The following WLS variants were observed in gnomAD, a reference collection of about 807,000 sequenced individuals.
The protein encoded by WLS is Wnt ligand secretion mediator.
Under a neutral mutation model 62.8 loss-of-function variants are expected in WLS, and 23 were observed. The observed-to-expected ratio is 0.37, with a 90% confidence interval of 0.26 to 0.52. The LOEUF (loss-of-function observed/expected upper bound fraction) is 0.52, where lower values mean the gene tolerates loss of function less well. WLS is among the 20% of genes least tolerant of loss of function. WLS has a pLI of 0.92. For synonymous variants in WLS, 246 were observed against 244.1 expected, an observed-to-expected ratio of 1.01 and a Z score of -0.07; for missense variants, 615 against 697.3, an observed-to-expected ratio of 0.88 and a Z score of 1.33.
chr1:68,192,969 C>T (rs1218071493), intron 2 of WLS, among the ~76,000 whole-genome samples: 3 of 145,386 alleles, frequency 2.1e-5, no homozygotes, highest in East Asian at 2.0e-4. Context: ...TTTTGCTGGG[C>T]GTGGTGGTGG....
chr1:68,133,954 G>C (rs1181723915), intron 11 of WLS, among the ~76,000 whole-genome samples: 1 of 152,186 alleles, frequency 6.6e-6, no homozygotes, highest in Non-Finnish European at 1.5e-5. Flanking sequence ...TTCACTCTCT[G>C]TAGCAAGATA....
rs201892042 is a variant in WLS, at chr1:68,210,344, ATCT to A, written c.107-16120_107-16118del. On this transcript the variant is annotated intron_variant, in intron 1 of 11. Transcript: ENST00000262348. ...AAGTCAAAGGAGAGAAATGATAGTC[ATCT>A]TTAGTTATTTGAAAGGCTACTGTGT... Among the ~76,000 whole-genome samples the A allele has an allele frequency of 1.6e-3, 251 of 152,346 alleles. 6 individuals carry two copies. The East Asian group carries it at 0.046, about 28-fold the overall frequency.
At chr1:68,225,687 C>T (rs746319528) in intron 1 of WLS, among the ~76,000 whole-genome samples, 15 of 152,276 alleles carry the variant, frequency 9.9e-5, no homozygotes, top group Non-Finnish European at 1.9e-4. Context: ...TGCATACAAA[C>T]AAAACTTCTC....
At chr1:68,098,559 G>A (rs116345986) in exon 12 of WLS, 196 of 1,581,098 alleles carry the variant, frequency 1.2e-4, no homozygotes, top group Non-Finnish European at 1.5e-4. Flanking sequence ...ATTTGTGTGC[G>A]TATACAAGTA....
intron 11 of WLS, among the ~76,000 whole-genome samples, chr1:68,114,338 A>T (rs531302912): frequency 2.0e-5 from 3 of 152,306 alleles, no homozygotes; most frequent in African/African-American, 7.2e-5. Context: ...GAAATATGTC[A>T]TTTGGAGAAA....
chr1:68,193,824 G>A (rs564394309), intron 2 of WLS, 131 bp downstream of exon 2: 6 of 1,197,002 alleles, frequency 5.0e-6, no homozygotes, highest in African/African-American at 1.6e-5. Flanking sequence ...CACAGAAAGT[G>A]CCTGGGAAGT....
chr1:68,218,692 C>T (rs1284485177), intron 1 of WLS, among the ~76,000 whole-genome samples: 2 of 152,170 alleles, frequency 1.3e-5, no homozygotes, highest in African/African-American at 2.4e-5. Context: ...TCACAGGCCT[C>T]CGTTCCTCTT....
At chr1:68,198,403 A>G (rs993013598) in intron 1 of WLS, among the ~76,000 whole-genome samples, 1 of 152,198 alleles carries the variant, frequency 6.6e-6, no homozygotes, top group Admixed American at 6.5e-5. Context: ...TTTGGCCTCC[A>G]CTTTTCCACT....
chr1:68,154,989 G>A (rs1198723178), intron 4 of WLS, 110 bp downstream of exon 4: 2 of 1,159,318 alleles, frequency 1.7e-6, no homozygotes, highest in Non-Finnish European at 2.4e-6. Context: ...GCCATCATGA[G>A]TATGTTATTA....
chr1:68,208,801 T>G (rs933359301), intron 1 of WLS, among the ~76,000 whole-genome samples: 2 of 152,134 alleles, frequency 1.3e-5, no homozygotes, highest in African/African-American at 4.8e-5. Flanking sequence ...TGGGGAACAT[T>G]GAAAGGATTG....
At chr1:68,220,767 A>G (rs529824355) in intron 1 of WLS, among the ~76,000 whole-genome samples, 1 of 152,368 alleles carries the variant, frequency 6.6e-6, no homozygotes, top group South Asian at 2.1e-4. Context: ...TTTCAAAATT[A>G]CTAAAATTTC....
At chr1:68,129,400 A>C (rs1185069566) in intron 11 of WLS, among the ~76,000 whole-genome samples, 1 of 152,232 alleles carries the variant, frequency 6.6e-6, no homozygotes, top group Admixed American at 6.5e-5. Context: ...GTATCTGATA[A>C]ATTTATAGCA....
Position 68,232,311 on chromosome 1 carries a change from C to T in WLS, c.-12G>A. The T allele has an allele frequency of 1.2e-6, 2 of 1,613,244 alleles. No individual in the cohort carries two copies. The highest frequency in any genetic ancestry group is 1.7e-6 in the Non-Finnish European group (2 of 1,179,634). The stretch of plus-strand genomic sequence containing the variant: ...ATTGCCCCAGCCATTTTTGCGCCCC[C>T]CCTTTTTCTTTTCTCCTTGAAATAA... On this transcript the variant is annotated 5_prime_UTR_variant, in exon 1 of 12. Transcript: ENST00000262348.
chr1:68,232,050 G>T, intron 1 of WLS, 144 bp downstream of exon 1: 1 of 1,119,010 alleles, frequency 8.9e-7, no homozygotes, highest in Non-Finnish European at 1.3e-6. Context: ...GCCCCATGGA[G>T]CTCTGCTTTC....
intron 3 of WLS, among the ~76,000 whole-genome samples, chr1:68,156,238 G>A (rs572843939): frequency 1.3e-5 from 2 of 152,272 alleles, no homozygotes; most frequent in East Asian, 3.9e-4. Flanking sequence ...GGGTTTCTAT[G>A]TCAGCTTCAA....
chr1:68,142,299 C>T (rs530604467), intron 10 of WLS, among the ~76,000 whole-genome samples: 22 of 152,324 alleles, frequency 1.4e-4, no homozygotes, highest in Admixed American at 1.0e-3. Context: ...GGATCAAAAG[C>T]GTCCTTCTTT....
chr1:68,155,329 C>T (rs1557481838), intron 3 of WLS, 69 bp from the exon 4 acceptor site: 3 of 1,526,754 alleles, frequency 2.0e-6, no homozygotes, highest in South Asian at 1.3e-5. Context: ...ATTCTGTTAC[C>T]CTGGATCCAT....
intron 11 of WLS, among the ~76,000 whole-genome samples, chr1:68,105,343 CTTAA>C (rs1557442351): frequency 6.6e-6 from 1 of 152,142 alleles, no homozygotes; most frequent in African/African-American, 2.4e-5. Flanking sequence ...TTTTATGCTA[CTTAA>C]TTGTTTTAAA....
At chr1:68,167,418 T>C (rs1163449370) in intron 2 of WLS, among the ~76,000 whole-genome samples, 1 of 152,186 alleles carries the variant, frequency 6.6e-6, no homozygotes, top group African/African-American at 2.4e-5. Context: ...TTAATGATGA[T>C]GTTGCATTTA....
Sources: gnomAD v4.1 joint callset for allele counts (sites outside exome capture counted in the v4.1 genomes callset) on GRCh38, gnomAD v4.1.1 for gene constraint, MANE v1.5 for transcripts, NCBI Gene and HGNC (gene_info 2026-07-23, HGNC 2026-07-21) for gene names.